Variants in ZFHX4 observed in about 807,000 individuals in gnomAD.
The protein encoded by ZFHX4 is zinc finger homeobox 4.
Under a neutral mutation model 267.6 loss-of-function variants are expected in ZFHX4, and 56 were observed. The observed-to-expected ratio is 0.21, with a 90% confidence interval of 0.17 to 0.26. The LOEUF is 0.26. ZFHX4 is among the 10% of genes least tolerant of loss of function. ZFHX4 has a pLI of 1.00. For synonymous variants in ZFHX4, 1,778 were observed against 1,665.6 expected (o/e 1.07, Z -1.64); for missense variants, 4,332 against 4,420.0 (o/e 0.98, Z 0.56).
In ZFHX4 at chr8:76,867,043, A is replaced by G. The variant is rs2131992573; in HGVS notation, c.*2478A>G. 6.5e-6 allele frequency: 1 copy of G among 152,724 alleles called. No individual in the cohort carries two copies. Among genetic ancestry groups the G allele is most frequent in the African/African-American group, 2.4e-5 (1 of 41,570 alleles). The allele number at this position is 152,724 out of a possible 1,614,324, so 9.5% of individuals were successfully genotyped here. A position where few individuals can be genotyped will look rare whatever the true frequency, so the allele number is the denominator to read the frequency against. The stretch of plus-strand genomic sequence containing the variant: ...ATAAACTAAACCAAAAATGTTATTG[A>G]TGTTTTATATATAGAGAGTAGTCTC... On this transcript the variant is annotated 3_prime_UTR_variant, in exon 11 of 11. Coordinates refer to ENST00000651372, the MANE Select transcript of ZFHX4 (RefSeq NM_024721.5).
chr8:76,843,597 A>C (rs531335777), intron 6 of ZFHX4, among the ~76,000 whole-genome samples: 6 of 152,152 alleles, frequency 3.9e-5, no homozygotes, highest in Non-Finnish European at 7.4e-5. Context: ...TGAATATTAC[A>C]TTGGCTACTT....
chr8:76,812,932 A>G (rs1230659284), intron 4 of ZFHX4, among the ~76,000 whole-genome samples: 1 of 152,156 alleles, frequency 6.6e-6, no homozygotes, highest in Non-Finnish European at 1.5e-5. Context: ...ATATTTGCAA[A>G]TGGTAACTAT....
chr8:76,727,453 G>A (rs576607097), intron 3 of ZFHX4, among the ~76,000 whole-genome samples: 1 of 152,204 alleles, frequency 6.6e-6, no homozygotes, highest in African/African-American at 2.4e-5. Context: ...TATTTCATGT[G>A]GATTGATTTT....
At position 76,863,467 on chromosome 8, in the gene ZFHX4, T is replaced by C. The variant is rs578168451; in HGVS notation, c.9753T>C (p.Ala3251=). The C allele has an allele frequency of 6.2e-7, 1 of 1,613,770 alleles. No individual in the cohort carries two copies. Among genetic ancestry groups the C allele is most frequent in the Admixed American group, 1.7e-5 (1 of 59,994 alleles). Residue 3251 remains alanine (A), a synonymous_variant, in exon 11 of 11, where the codon GCT becomes GCC. Transcript: ENST00000651372. ...IQLQALQNAI[A]GDPASFIGGQ... ...TGCAGGCATTACAGAATGCAATTGC[T>C]GGTGACCCAGCTTCCTTTATAGGCG...
At chr8:76,832,274 G>C (rs1585989922) in intron 4 of ZFHX4, among the ~76,000 whole-genome samples, 1 of 151,928 alleles carries the variant, frequency 6.6e-6, no homozygotes, top group Non-Finnish European at 1.5e-5. Flanking sequence ...ATAACAATCT[G>C]GTCTTTTCAG....
rs1812543965 is a variant in ZFHX4 at position 76,852,072 on chromosome 8, C to G, written c.5151C>G (p.Ala1717=). Reference sequence around the variant, plus strand: ...TTCAGCCTCAGTTTCTAAACCCAGCCTTTTTGCCTCATTTTCCTATGACCC... The same window carrying G: ...TTCAGCCTCAGTTTCTAAACCCAGCGTTTTTGCCTCATTTTCCTATGACCC... ...AFFQPQFLNP[A]FLPHFPMTPE... is the part of the protein sequence containing the mutation. Residue 1717 remains alanine, a synonymous_variant, in exon 10 of 11, where the codon GCC becomes GCG. Coordinates refer to ENST00000651372, the MANE Select transcript of ZFHX4 (RefSeq NM_024721.5). 1 of 1,613,850 alleles carries G rather than the reference C, an allele frequency of 6.2e-7. No homozygotes were observed.
chr8:76,733,119 A>G (rs928445916), intron 3 of ZFHX4, among the ~76,000 whole-genome samples: 1 of 152,132 alleles, frequency 6.6e-6, no homozygotes, highest in Non-Finnish European at 1.5e-5. Context: ...TGGATTTCCA[A>G]TGATTGTTCA....
At chr8:76,724,463 G>T (rs1309146886) in intron 3 of ZFHX4, among the ~76,000 whole-genome samples, 1 of 151,876 alleles carries the variant, frequency 6.6e-6, no homozygotes, top group East Asian at 1.9e-4. Flanking sequence ...ACATTGTTTT[G>T]CCTCTTAGGA....
chr8:76,819,441 A>G (rs1293950926), intron 4 of ZFHX4, among the ~76,000 whole-genome samples: 1 of 152,182 alleles, frequency 6.6e-6, no homozygotes, highest in Non-Finnish European at 1.5e-5. Context: ...TCTTGCACCT[A>G]GTAAGTGTTC....
chr8:76,852,028 C>A lies in ZFHX4; in HGVS notation c.5107C>A (p.Gln1703Lys). 1 of 1,614,010 alleles carries A rather than the reference C, an allele frequency of 6.2e-7. No individual in the cohort carries two copies. Among genetic ancestry groups the A allele is most frequent in the Non-Finnish European group, 8.5e-7 (1 of 1,179,876 alleles). The change falls in exon 10 of 11, where the codon CAA becomes AAA. Residue 1703 changes from glutamine (Q) to lysine (K), a missense_variant. Coordinates refer to ENST00000651372, the MANE Select transcript of ZFHX4 (RefSeq NM_024721.5). ...QIQMQLQHEL[Q>K]QQAAFFQPQF... is the part of the protein sequence containing the mutation. ...TCAGATGCAACTACAGCACGAATTA[C>A]AACAGCAAGCCGCATTCTTTCAGCC... is the stretch of plus-strand genomic sequence containing the variant.
In ZFHX4 at chr8:76,794,536, A is replaced by G. The variant is rs561339142; in HGVS notation, c.3325+16097A>G. ...TTACAAATTTTGGCTTTTAGAGAAT[A>G]TGAACAGTACTAGAATCAGAACAAT... On this transcript the variant is annotated intron_variant, in intron 4 of 10. Transcript: ENST00000651372. Among the ~76,000 whole-genome samples, 5 of 152,284 alleles carry G rather than the reference A, an allele frequency of 3.3e-5. No individual in the cohort carries two copies. The South Asian group carries it at 1.0e-3, about 32-fold the overall frequency.
chr8:76,809,000 T>C (rs1025569951), intron 4 of ZFHX4, among the ~76,000 whole-genome samples: 3 of 151,894 alleles, frequency 2.0e-5, no homozygotes, highest in Non-Finnish European at 1.5e-5. Flanking sequence ...TGTTTTTTTC[T>C]GTTACATCCA....
At chr8:76,757,616 G>A (rs944817225) in intron 3 of ZFHX4, among the ~76,000 whole-genome samples, 3 of 152,168 alleles carry the variant, frequency 2.0e-5, no homozygotes, top group South Asian at 2.1e-4. Context: ...CACCCCAACC[G>A]CTCTCCCTTG....
At chr8:76,767,044 GGTGTGT>G (rs34640815) in intron 3 of ZFHX4, among the ~76,000 whole-genome samples, 278 of 146,926 alleles carry the variant, frequency 1.9e-3, no homozygotes, top group African/African-American at 5.8e-3. Context: ...CTCATAAAGG[GGTGTGT>G]GTGTGTGTGT....
chr8:76,681,653 T>C lies in ZFHX4; in HGVS notation c.-47+33T>C, dbSNP rs1807532972. On this transcript the variant is annotated intron_variant, in intron 1 of 10. Transcript: ENST00000651372. ...TTTTCTTTAACTTTTATTGAGTAGT[T>C]TCTGTTAAATTTAGGTCGAGTATCG... 3 of 392,246 alleles carry C rather than the reference T, an allele frequency of 7.6e-6. No individual in the cohort carries two copies. The East Asian group carries it at 1.1e-4, about 14-fold the overall frequency. The allele number at this position is 392,246 out of a possible 1,614,324, so 24.3% of individuals were successfully genotyped here.
intron 4 of ZFHX4, among the ~76,000 whole-genome samples, chr8:76,805,912 A>G (rs1025200849): frequency 1.3e-5 from 2 of 152,114 alleles, no homozygotes; most frequent in Non-Finnish European, 2.9e-5. Flanking sequence ...ATATTGTAAG[A>G]TATCTGAAAT....
chr8:76,865,200 CAT>C lies in ZFHX4; in HGVS notation c.*636_*637del, dbSNP rs1411817130. The C allele has an allele frequency of 2.0e-5, 3 of 152,678 alleles. No individual in the cohort carries two copies. The highest frequency in any genetic ancestry group is 2.0e-4 in the Admixed American group (3 of 15,284). The allele number at this position is 152,678 out of a possible 1,614,324, so 9.5% of individuals were successfully genotyped here. ...CAGAGGGAATCTGGAACAGTGGAAT[CAT>C]GTGTCTGCCCTGTGTATTGCAGTTT... is the stretch of plus-strand genomic sequence containing the variant. On this transcript the variant is annotated 3_prime_UTR_variant, in exon 11 of 11. Transcript: ENST00000651372.
chr8:76,727,620 G>A (rs1808887048), intron 3 of ZFHX4, among the ~76,000 whole-genome samples: 1 of 152,100 alleles, frequency 6.6e-6, no homozygotes, highest in African/African-American at 2.4e-5. Context: ...ACAACTTTTG[G>A]AACTTGACAA....
chr8:76,753,948 A>AG (rs1809694652), intron 3 of ZFHX4, among the ~76,000 whole-genome samples: 1 of 151,032 alleles, frequency 6.6e-6, no homozygotes, highest in South Asian at 2.1e-4. Context: ...ATATGCAAAA[A>AG]AATTATTTTA....
Sources: gnomAD v4.1 joint callset for allele counts (sites outside exome capture counted in the v4.1 genomes callset) on GRCh38, gnomAD v4.1.1 for gene constraint, MANE v1.5 for transcripts, NCBI Gene and HGNC (gene_info 2026-07-23, HGNC 2026-07-21) for gene names.